The following MYO5B variants were observed in gnomAD, a reference collection of about 807,000 sequenced individuals.
MYO5B encodes unconventional myosin-Vb.
Under a neutral mutation model 229.3 loss-of-function variants are expected in MYO5B, and 143 were observed. The ratio of observed to expected loss-of-function variants is 0.62; its 90% CI spans 0.54 to 0.72. The LOEUF (loss-of-function observed/expected upper bound fraction) is 0.72, where lower values mean the gene tolerates loss of function less well. Among genes scored for constraint, MYO5B ranks in the 30% least tolerant of loss-of-function variants. The pLI is 0.00. For missense variants in MYO5B, 2,321 were observed against 2,331.0 expected (o/e 1.00, Z 0.09); for synonymous variants, 918 against 885.2 (o/e 1.04, Z -0.66).
chr18:49,863,382 C>G, intron 28 of MYO5B, 55 bp from the exon 29 acceptor site: 1 of 1,465,352 alleles, frequency 6.8e-7, no homozygotes. Flanking sequence ...CACAAAATGG[C>G]TTTATATACA....
intron 4 of MYO5B, among the ~76,000 whole-genome samples, chr18:50,007,594 C>T (rs2026116734): frequency 1.3e-5 from 2 of 152,352 alleles, no homozygotes; most frequent in Non-Finnish European, 2.9e-5. Flanking sequence ...TCTCCAGCTT[C>T]AGTGCATGCC....
rs765228902 is a variant in MYO5B, at chr18:49,906,540, G to A, written c.2293C>T (p.Arg765Trp). 6.8e-6 allele frequency: 11 copies of A among 1,614,058 alleles called. No homozygotes were observed. The highest frequency in any genetic ancestry group is 1.3e-5 in the African/African-American group (1 of 74,932). Reference protein sequence around the residue: ...YLEKLRADKFRTATIMIQKTV... With the variant: ...YLEKLRADKFWTATIMIQKTV... ...TTCTGGATCATGATGGTGGCTGTCC[G>A]GAACTTGTCAGCCCGCAGCTTCTCC... Residue 765 changes from arginine to tryptophan, a missense_variant, in exon 19 of 40, where the codon CGG becomes TGG. Arg to Trp is a moderately radical substitution (Grantham distance 101). Transcript: ENST00000285039.
chr18:50,063,738 T>C (rs1337541653), intron 1 of MYO5B: 1 of 152,240 alleles, frequency 6.6e-6, no homozygotes, highest in East Asian at 1.9e-4. Flanking sequence ...TATCGTATCA[T>C]CTCAACCCAG....
At chr18:49,903,501 C>A (rs1358344228) in intron 20 of MYO5B, among the ~76,000 whole-genome samples, 1 of 152,198 alleles carries the variant, frequency 6.6e-6, no homozygotes, top group Non-Finnish European at 1.5e-5. Flanking sequence ...TCACCTGCCC[C>A]TTCCATGGGA....
intron 1 of MYO5B, among the ~76,000 whole-genome samples, chr18:50,061,075 G>T (rs947668833): frequency 6.6e-6 from 1 of 152,170 alleles, no homozygotes; most frequent in Non-Finnish European, 1.5e-5. Flanking sequence ...CTTTCCCAAA[G>T]AGCCCCAGCT....
chr18:50,052,449 A>T (rs113025160), intron 2 of MYO5B, among the ~76,000 whole-genome samples: 1 of 148,396 alleles, frequency 6.7e-6, no homozygotes. Context: ...GTAAACTATC[A>T]CAAGGACAAA....
chr18:50,068,792 TG>T (rs1489472909), intron 1 of MYO5B, among the ~76,000 whole-genome samples: 1 of 152,196 alleles, frequency 6.6e-6, no homozygotes, highest in African/African-American at 2.4e-5. Flanking sequence ...CACATTCTCC[TG>T]ACCTTGGTTT....
intron 1 of MYO5B, among the ~76,000 whole-genome samples, chr18:50,059,399 C>T (rs1228690765): frequency 6.6e-6 from 1 of 152,140 alleles, no homozygotes; most frequent in Non-Finnish European, 1.5e-5. Context: ...AGAGTAACAT[C>T]TATCCAGTGG....
At chr18:49,878,596 C>T (rs187227891) in intron 24 of MYO5B, among the ~76,000 whole-genome samples, 168 of 152,294 alleles carry the variant, frequency 1.1e-3, no homozygotes, top group Non-Finnish European at 7.4e-4. Flanking sequence ...CCTTGTGGGT[C>T]TCTCTGCCAC....
chr18:49,842,748 T>G (rs569524318), intron 34 of MYO5B, among the ~76,000 whole-genome samples: 50 of 152,348 alleles, frequency 3.3e-4, no homozygotes, highest in Non-Finnish European at 5.9e-4. Context: ...CGGCAAGCCC[T>G]GTCCTGGCCC....
At chr18:49,971,510 G>C (rs1189965147) in intron 10 of MYO5B, among the ~76,000 whole-genome samples, 1 of 152,168 alleles carries the variant, frequency 6.6e-6, no homozygotes, top group Non-Finnish European at 1.5e-5. Context: ...TGACCTGATA[G>C]ATTAGAAAGT....
At chr18:50,035,387 A>T (rs1169910033) in intron 4 of MYO5B, among the ~76,000 whole-genome samples, 1 of 152,246 alleles carries the variant, frequency 6.6e-6, no homozygotes, top group Non-Finnish European at 1.5e-5. Flanking sequence ...CTTCTCTTTC[A>T]GAACCATAAA....
intron 2 of MYO5B, among the ~76,000 whole-genome samples, chr18:50,046,134 G>T (rs2030218857): frequency 6.6e-6 from 1 of 152,180 alleles, no homozygotes; most frequent in African/African-American, 2.4e-5. Flanking sequence ...TTACCAGCTG[G>T]CAAGAAGTTG....
chr18:49,977,495 G>A (rs1233336304), intron 9 of MYO5B, among the ~76,000 whole-genome samples: 1 of 152,086 alleles, frequency 6.6e-6, no homozygotes, highest in African/African-American at 2.4e-5. Flanking sequence ...TGGGGCTCTC[G>A]GTAGCAACTA....
At chr18:50,180,251 C>T (rs1790414) in intron 1 of MYO5B, among the ~76,000 whole-genome samples, 132,076 of 152,206 alleles carry the variant, frequency 0.87, 57,411 homozygotes, top group African/African-American at 0.88. Context: ...CACACTGCCC[C>T]GCACTGGGCT....
Position 50,071,058 on chromosome 18 carries a change from A to G in MYO5B, c.28-15680T>C, listed in dbSNP as rs541287493. Among the ~76,000 whole-genome samples the G allele has an allele frequency of 1.4e-4, 22 of 152,304 alleles. No individual in the cohort carries two copies. The South Asian group carries it at 3.7e-3, about 26-fold the overall frequency. On this transcript the variant is annotated intron_variant, in intron 1 of 39. Coordinates refer to ENST00000285039, the MANE Select transcript of MYO5B (RefSeq NM_001080467.3). ...AGGCTGGTATCAAACTCCTGGGCTC[A>G]AGCCATCCTCCCGCCTTGGCCTCCC...
At chr18:50,175,207 C>T (rs866953949) in intron 1 of MYO5B, among the ~76,000 whole-genome samples, 27 of 152,220 alleles carry the variant, frequency 1.8e-4, no homozygotes, top group Admixed American at 3.9e-4. Flanking sequence ...AGGTGGCAGA[C>T]GCCACACCAT....
At chr18:49,937,204 G>GCA (rs1387917734) in intron 15 of MYO5B, 41 bp downstream of exon 15, 2 of 1,611,850 alleles carry the variant, frequency 1.2e-6, no homozygotes, top group East Asian at 2.2e-5. Context: ...GGCCAGCCCT[G>GCA]CACATGCACC....
At chr18:49,954,905 T>G (rs2025475999) in intron 12 of MYO5B, among the ~76,000 whole-genome samples, 1 of 152,244 alleles carries the variant, frequency 6.6e-6, no homozygotes, top group Admixed American at 6.5e-5. Flanking sequence ...GATACCATTG[T>G]CCAGGTTTGG....
Sources: allele counts gnomAD v4.1 joint callset (sites outside exome capture counted in the v4.1 genomes callset), GRCh38; gene constraint gnomAD v4.1.1; transcripts MANE v1.5; gene names NCBI Gene and HGNC (gene_info 2026-07-23, HGNC 2026-07-21).